The following USP37 variants were observed in gnomAD, a reference collection of about 807,000 sequenced individuals.
The protein encoded by USP37 is ubiquitin specific peptidase 37.
A neutral mutation model predicts 124.0 loss-of-function variants in USP37; 27 were observed. The observed-to-expected ratio is 0.22, with a 90% CI of 0.16 to 0.30. The LOEUF (loss-of-function observed/expected upper bound fraction) is 0.30. USP37 is among the 10% of genes least tolerant of loss of function. USP37 has a pLI of 1.00. For synonymous variants in USP37, 365 were observed against 388.0 expected, an observed-to-expected ratio of 0.94 and a Z score of 0.70; for missense variants, 889 against 1,140.4, an observed-to-expected ratio of 0.78 and a Z score of 3.17.
chr2:218,474,137 G>A (rs1690840770), intron 20 of USP37, among the ~76,000 whole-genome samples: 1 of 152,170 alleles, frequency 6.6e-6, no homozygotes, highest in Non-Finnish European at 1.5e-5. Context: ...ATGAATTTCT[G>A]AAATAGCAGT....
intron 23 of USP37, among the ~76,000 whole-genome samples, chr2:218,458,966 G>A (rs1368051709): frequency 6.6e-6 from 1 of 151,904 alleles, no homozygotes; most frequent in Non-Finnish European, 1.5e-5. Flanking sequence ...ACATGGAGGT[G>A]AGAATAACAA....
At chr2:218,465,810 C>T (rs1432945619) in intron 21 of USP37, among the ~76,000 whole-genome samples, 200 bp downstream of exon 21, 1 of 152,176 alleles carries the variant, frequency 6.6e-6, no homozygotes, top group Non-Finnish European at 1.5e-5. Flanking sequence ...TCCGCCTCAG[C>T]CTCCCAAAGT....
intron 4 of USP37, 133 bp downstream of exon 4, chr2:218,558,365 T>C: frequency 1.2e-6 from 1 of 802,708 alleles, no homozygotes; most frequent in South Asian, 2.6e-5. Context: ...ATAAAAATAT[T>C]AATGTCCTAG....
chr2:218,504,117 A>G lies in USP37; in HGVS notation c.1025+5862T>C, dbSNP rs1010824240. Among the ~76,000 whole-genome samples, 4 of 152,318 alleles carry G rather than the reference A, an allele frequency of 2.6e-5. 1 individual carries two copies. Among genetic ancestry groups the G allele is most frequent in the Non-Finnish European group, 5.9e-5 (4 of 68,028 alleles). Reference sequence around the variant, plus strand: ...CCTAAATGTGTATGTGCCAAAAACAAAGCTATAAAATACATAAAGTAAAAA... The same window carrying G: ...CCTAAATGTGTATGTGCCAAAAACAGAGCTATAAAATACATAAAGTAAAAA... On this transcript the variant is annotated intron_variant, in intron 11 of 25. Coordinates refer to ENST00000258399, the MANE Select transcript of USP37 (RefSeq NM_020935.3).
chr2:218,515,202 T>C lies in USP37; in HGVS notation c.864-5062A>G, dbSNP rs537307582. Among the ~76,000 whole-genome samples the C allele has an allele frequency of 2.6e-5, 4 of 152,188 alleles. No individual in the cohort carries two copies. The East Asian group carries it at 7.7e-4, about 29-fold the overall frequency. ...TTAGAAAAAACTACTTTAAATTTCA[T>C]AGGGAACTTTTTTTTTTTAAGAGCC... is the stretch of plus-strand genomic sequence containing the variant. On this transcript the variant is annotated intron_variant, in intron 10 of 25. Coordinates refer to ENST00000258399, the MANE Select transcript of USP37 (RefSeq NM_020935.3).
At chr2:218,511,026 C>G (rs1689954819) in intron 10 of USP37, among the ~76,000 whole-genome samples, 1 of 152,050 alleles carries the variant, frequency 6.6e-6, no homozygotes, top group East Asian at 1.9e-4. Context: ...TTAATTTTTA[C>G]CAATAAGGAG....
At chr2:218,481,041 C>G (rs547508) in intron 17 of USP37, among the ~76,000 whole-genome samples, 151,306 of 152,306 alleles carry the variant, frequency 0.99, 75,163 homozygotes, top group Middle Eastern at 1. Context: ...CCTCTAAAAT[C>G]TCTTCCATCT....
At chr2:218,475,784 G>A (rs1690937781) in intron 19 of USP37, among the ~76,000 whole-genome samples, 1 of 151,864 alleles carries the variant, frequency 6.6e-6, no homozygotes, top group Non-Finnish European at 1.5e-5. Context: ...AAATTAGGGA[G>A]ATGTTGTGGT....
chr2:218,484,149 AC>A (rs1371739800), intron 16 of USP37, among the ~76,000 whole-genome samples: 1 of 151,704 alleles, frequency 6.6e-6, no homozygotes, highest in African/African-American at 2.4e-5. Context: ...ACAGAACGAG[AC>A]TCTGTTTGAA....
intron 20 of USP37, among the ~76,000 whole-genome samples, chr2:218,466,598 C>T (rs1162981813): frequency 6.6e-6 from 1 of 152,016 alleles, no homozygotes. Flanking sequence ...CAGAAACACA[C>T]TATGTAAAGA....
chr2:218,474,490 T>C (rs1647661451), intron 20 of USP37, 140 bp downstream of exon 20: 1 of 1,250,644 alleles, frequency 8.0e-7, no homozygotes, highest in South Asian at 1.5e-5. Context: ...GCCTCCCGAG[T>C]AGCTGGGATT....
chr2:218,493,328 C>G (rs1688899855), intron 14 of USP37, among the ~76,000 whole-genome samples: 1 of 152,188 alleles, frequency 6.6e-6, no homozygotes, highest in African/African-American at 2.4e-5. Context: ...GGTCTAGCCA[C>G]CTGGTGTGCC....
rs1184479839 is a variant in USP37 at position 218,454,190 on chromosome 2, A to G, written c.*740T>C. On this transcript the variant is annotated 3_prime_UTR_variant, in exon 26 of 26. Transcript: ENST00000258399. ...AGAGAAAACAAAGTATATAAGAAAT[A>G]TCAAATGTGGGACTGTAACATATTC... is the stretch of plus-strand genomic sequence containing the variant. The G allele has an allele frequency of 6.6e-6, 1 of 152,666 alleles. No homozygotes were observed. Among genetic ancestry groups the G allele is most frequent in the African/African-American group, 2.4e-5 (1 of 41,460 alleles). The allele number at this position is 152,666 out of a possible 1,614,324, so 9.5% of individuals were successfully genotyped here.
Position 218,451,850 on chromosome 2 carries a change from T to C in USP37, c.*3080A>G, listed in dbSNP as rs1689489835. ...TGAGCCTTTAAGGTTAGGCCCAGAA[T>C]GAACAGACCATAGCAAGTAAACAAA... is the stretch of plus-strand genomic sequence containing the variant. On this transcript the variant is annotated 3_prime_UTR_variant, in exon 26 of 26. Transcript: ENST00000258399. 2.0e-5 allele frequency: 3 copies of C among 152,658 alleles called. No individual in the cohort carries two copies. Among genetic ancestry groups the C allele is most frequent in the African/African-American group, 7.2e-5 (3 of 41,458 alleles). The allele number at this position is 152,658 out of a possible 1,614,324, so 9.5% of individuals were successfully genotyped here. A position where few individuals can be genotyped will look rare whatever the true frequency, so the allele number is the denominator to read the frequency against.
intron 10 of USP37, among the ~76,000 whole-genome samples, chr2:218,514,886 AT>A (rs1690189458): frequency 2.0e-5 from 3 of 151,938 alleles, no homozygotes; most frequent in East Asian, 1.9e-4. Context: ...AGACATATTT[AT>A]TTTTTTTCTA....
At chr2:218,485,059 T>C (rs1691479361) in intron 16 of USP37, among the ~76,000 whole-genome samples, 1 of 152,208 alleles carries the variant, frequency 6.6e-6, no homozygotes, top group Admixed American at 6.5e-5. Flanking sequence ...ACTCCCTGTT[T>C]TATTCTTATA....
At chr2:218,487,292 G>C (rs953903939) in intron 15 of USP37, among the ~76,000 whole-genome samples, 4 of 152,150 alleles carry the variant, frequency 2.6e-5, no homozygotes, top group African/African-American at 9.7e-5. Flanking sequence ...ACCTAAGAAA[G>C]AGCAAAGAAT....
intron 2 of USP37, among the ~76,000 whole-genome samples, chr2:218,561,161 T>A (rs1045125958): frequency 6.6e-6 from 1 of 152,214 alleles, no homozygotes; most frequent in Non-Finnish European, 1.5e-5. Flanking sequence ...TCTGTAATAC[T>A]TTTTTCTGCA....
At chr2:218,510,526 G>T (rs371904050) in intron 10 of USP37, among the ~76,000 whole-genome samples, 39 of 152,226 alleles carry the variant, frequency 2.6e-4, no homozygotes, top group African/African-American at 7.7e-4. Context: ...ATCTCCTTGA[G>T]AAATTCCTCT....
Sources: allele counts gnomAD v4.1 joint callset (sites outside exome capture counted in the v4.1 genomes callset), GRCh38; gene constraint gnomAD v4.1.1; transcripts MANE v1.5; gene names NCBI Gene and HGNC (gene_info 2026-07-23, HGNC 2026-07-21).